The following PDE4D variants were observed in gnomAD, a reference collection of about 807,000 sequenced individuals.
PDE4D encodes 3',5'-cyclic-AMP phosphodiesterase 4D.
In PDE4D, 24 loss-of-function variants were observed where a neutral mutation model predicts 87.4. The observed-to-expected ratio is 0.27, with a 90% CI of 0.20 to 0.39. The LOEUF is 0.39. Among genes scored for constraint, PDE4D ranks in the 10% least tolerant of loss-of-function variants. PDE4D has a pLI of 1.00. For missense variants in PDE4D, 714 were observed against 1,041.0 expected, an observed-to-expected ratio of 0.69 and a Z score of 4.32; for synonymous variants, 384 against 383.2, an observed-to-expected ratio of 1.00 and a Z score of -0.02.
At chr5:59,092,190 T>C (rs1037632887) in intron 5 of PDE4D, among the ~76,000 whole-genome samples, 1 of 152,222 alleles carries the variant, frequency 6.6e-6, no homozygotes, top group African/African-American at 2.4e-5. Flanking sequence ...TTCAAAGGCA[T>C]ACTTTGCTTA....
intron 1 of PDE4D, among the ~76,000 whole-genome samples, chr5:59,875,987 A>G (rs1748547275): frequency 6.6e-6 from 1 of 152,146 alleles, no homozygotes; most frequent in Non-Finnish European, 1.5e-5. Context: ...GAGGGAGAGG[A>G]TCAAGAAAAA....
chr5:60,061,927 A>G (rs1771457690), intron 2 of PDE4D, among the ~76,000 whole-genome samples: 1 of 152,184 alleles, frequency 6.6e-6, no homozygotes. Flanking sequence ...AAGATGGATT[A>G]AAGACTTAAA....
chr5:59,517,298 T>A (rs565712263), intron 1 of PDE4D, among the ~76,000 whole-genome samples: 34 of 152,306 alleles, frequency 2.2e-4, no homozygotes, highest in South Asian at 1.0e-3. Context: ...TCTTTGAAAG[T>A]CTTTTTTTGT....
intron 1 of PDE4D, among the ~76,000 whole-genome samples, chr5:59,262,383 T>G (rs997299869): frequency 2.4e-4 from 36 of 152,122 alleles, no homozygotes; most frequent in African/African-American, 8.7e-4. Flanking sequence ...AAAATGTTTC[T>G]GTACAATACT....
intron 1 of PDE4D, among the ~76,000 whole-genome samples, chr5:60,499,873 G>A (rs543175015): frequency 1.3e-5 from 2 of 152,250 alleles, no homozygotes; most frequent in Non-Finnish European, 2.9e-5. Flanking sequence ...TTTCCTGTTA[G>A]CCCTCTTGGC....
At chr5:59,734,285 C>A (rs1263150236) in intron 1 of PDE4D, among the ~76,000 whole-genome samples, 1 of 152,064 alleles carries the variant, frequency 6.6e-6, no homozygotes, top group African/African-American at 2.4e-5. Flanking sequence ...ATTCTATTCA[C>A]AGCAACAGAC....
intron 1 of PDE4D, among the ~76,000 whole-genome samples, chr5:60,316,083 G>A (rs1486706737): frequency 6.6e-6 from 1 of 152,146 alleles, no homozygotes; most frequent in Non-Finnish European, 1.5e-5. Flanking sequence ...TGGGCAGTAT[G>A]GCCATTTTCA....
intron 5 of PDE4D, among the ~76,000 whole-genome samples, chr5:59,148,048 C>G (rs1778928808): frequency 6.6e-6 from 1 of 152,094 alleles, no homozygotes; most frequent in African/African-American, 2.4e-5. Flanking sequence ...TGAGTTATTT[C>G]CTCTTTTTCT....
intron 2 of PDE4D, among the ~76,000 whole-genome samples, chr5:60,050,762 T>C (rs12055069): frequency 0.29 from 43,469 of 152,042 alleles, 7,109 homozygotes; most frequent in East Asian, 0.74. Flanking sequence ...AGAGGCAAGA[T>C]CCATTGTTGT....
chr5:60,421,219 C>A (rs1421128347), intron 1 of PDE4D, among the ~76,000 whole-genome samples: 1 of 152,236 alleles, frequency 6.6e-6, no homozygotes, highest in Non-Finnish European at 1.5e-5. Flanking sequence ...TGAGAACGGA[C>A]AGACTGCCTC....
intron 2 of PDE4D, among the ~76,000 whole-genome samples, chr5:60,119,071 A>G (rs974537539): frequency 3.3e-5 from 5 of 152,162 alleles, no homozygotes; most frequent in African/African-American, 1.2e-4. Context: ...GGTACAAAAA[A>G]TTATTACTAC....
intron 1 of PDE4D, among the ~76,000 whole-genome samples, chr5:59,332,666 A>C (rs1255818259): frequency 6.6e-6 from 1 of 152,220 alleles, no homozygotes; most frequent in Non-Finnish European, 1.5e-5. Context: ...CATCCTTGCT[A>C]TCTTTATTAA....
chr5:59,025,315 T>G (rs1361314097), intron 6 of PDE4D, among the ~76,000 whole-genome samples: 2 of 152,170 alleles, frequency 1.3e-5, no homozygotes, highest in African/African-American at 4.8e-5. Flanking sequence ...AAAAAAACAC[T>G]AACAAATATA....
Position 59,474,727 on chromosome 5 carries a change from T to C in PDE4D, c.456-258759A>G, listed in dbSNP as rs538971693. 2.0e-5 allele frequency among the ~76,000 whole-genome samples: 3 copies of C among 152,260 alleles called. No homozygotes were observed. In the East Asian group the frequency reaches 5.8e-4, roughly 29 times the overall value. On this transcript the variant is annotated intron_variant, in intron 1 of 14. Transcript: ENST00000340635. The stretch of plus-strand genomic sequence containing the variant: ...TTGTTATATTAAGCCACTTAGATTT[T>C]GGATTACTGCAGAATAACCTAGACT...
chr5:59,446,509 T>A (rs1798372647), intron 1 of PDE4D, among the ~76,000 whole-genome samples: 1 of 152,224 alleles, frequency 6.6e-6, no homozygotes, highest in African/African-American at 2.4e-5. Context: ...GCTAACTGGA[T>A]CATCAACTTT....
At chr5:59,901,121 G>A (rs567511998) in intron 3 of PDE4D, among the ~76,000 whole-genome samples, 4 of 152,258 alleles carry the variant, frequency 2.6e-5, no homozygotes, top group Admixed American at 2.0e-4. Context: ...TGAAGCTTAT[G>A]GGGACAATTA....
At chr5:60,223,422 G>A (rs551014727) in intron 1 of PDE4D, among the ~76,000 whole-genome samples, 3 of 152,220 alleles carry the variant, frequency 2.0e-5, no homozygotes, top group Admixed American at 6.5e-5. Context: ...TACTGAATGA[G>A]GGCATGGGAC....
At chr5:60,232,063 A>C (rs1191123512) in intron 1 of PDE4D, among the ~76,000 whole-genome samples, 1 of 151,796 alleles carries the variant, frequency 6.6e-6, no homozygotes, top group African/African-American at 2.4e-5. Flanking sequence ...AAGATCTACA[A>C]CCAACTGTTT....
intron 1 of PDE4D, among the ~76,000 whole-genome samples, chr5:60,345,436 T>C (rs1257313515): frequency 1.4e-5 from 2 of 145,862 alleles, no homozygotes; most frequent in Non-Finnish European, 3.0e-5. Context: ...CCCTAGAACG[T>C]AAAGTATAAT....
Sources: gnomAD v4.1 joint callset for allele counts (sites outside exome capture counted in the v4.1 genomes callset) on GRCh38, gnomAD v4.1.1 for gene constraint, MANE v1.5 for transcripts, NCBI Gene and HGNC (gene_info 2026-07-23, HGNC 2026-07-21) for gene names.